RPS6KC1: variants seen among roughly 807,000 people sequenced by gnomAD.
RPS6KC1 encodes the protein inactive ribosomal protein S6 kinase delta-1.
In RPS6KC1, 54 loss-of-function variants were observed where a neutral mutation model predicts 103.8. The ratio of observed to expected loss-of-function variants is 0.52; its 90% CI spans 0.42 to 0.65. The LOEUF (loss-of-function observed/expected upper bound fraction) is 0.65. Among genes scored for constraint, RPS6KC1 ranks in the 30% least tolerant of loss-of-function variants. RPS6KC1 has a pLI of 0.00. For synonymous variants in RPS6KC1, 439 were observed against 438.7 expected, an observed-to-expected ratio of 1.00 and a Z score of -0.01; for missense variants, 1,151 against 1,253.8, an observed-to-expected ratio of 0.92 and a Z score of 1.24.
At chr1:213,104,895 G>A (rs776331710) in intron 4 of RPS6KC1, among the ~76,000 whole-genome samples, 2 of 151,314 alleles carry the variant, frequency 1.3e-5, no homozygotes, top group Non-Finnish European at 2.9e-5. Context: ...TTTGATTCAT[G>A]GATCTTAAAA....
chr1:213,312,154 C>T, the RPS6KC1 span, among the ~76,000 whole-genome samples: 4 of 152,172 alleles, frequency 2.6e-5, no homozygotes, highest in Admixed American at 2.6e-4. Context: ...TCTCAGTCTC[C>T]CAAAGTGCTG....
the RPS6KC1 span, among the ~76,000 whole-genome samples, chr1:213,358,503 A>G: frequency 0.021 from 3,172 of 151,930 alleles, 91 homozygotes; most frequent in African/African-American, 0.068. Flanking sequence ...TTTTTATTGC[A>G]TCTATTTGAT....
the RPS6KC1 span, among the ~76,000 whole-genome samples, chr1:213,773,477 A>G: frequency 6.7e-3 from 991 of 148,200 alleles, 8 homozygotes; most frequent in African/African-American, 0.023. Context: ...TATATCATAT[A>G]TCGATATATA....
chr1:213,854,211 C>T, the RPS6KC1 span, among the ~76,000 whole-genome samples: 1 of 152,206 alleles, frequency 6.6e-6, no homozygotes, highest in South Asian at 2.1e-4. Flanking sequence ...CAGGGGATTG[C>T]TGCCTCTAGC....
chr1:213,521,411 T>A, the RPS6KC1 span, among the ~76,000 whole-genome samples: 1 of 152,172 alleles, frequency 6.6e-6, no homozygotes, highest in Non-Finnish European at 1.5e-5. Context: ...TTGTAGAGGG[T>A]CTTGCCTTGA....
At chr1:213,087,984 G>A (rs1170704593) in intron 3 of RPS6KC1, among the ~76,000 whole-genome samples, 3 of 152,138 alleles carry the variant, frequency 2.0e-5, no homozygotes, top group Non-Finnish European at 4.4e-5. Context: ...GCCTTGGTCT[G>A]CTTTAACCCC....
At chr1:213,512,804 C>T in the RPS6KC1 span, among the ~76,000 whole-genome samples, 21 of 152,316 alleles carry the variant, frequency 1.4e-4, no homozygotes, top group Non-Finnish European at 2.4e-4. Flanking sequence ...TACCATCTAT[C>T]TCTAGTTGCC....
At chr1:213,639,715 A>G in the RPS6KC1 span, among the ~76,000 whole-genome samples, 1 of 152,024 alleles carries the variant, frequency 6.6e-6, no homozygotes, top group Non-Finnish European at 1.5e-5. Flanking sequence ...ATATTTATGA[A>G]TATTGAATCA....
At chr1:213,131,219 T>C (rs956184657) in intron 6 of RPS6KC1, among the ~76,000 whole-genome samples, 1 of 152,314 alleles carries the variant, frequency 6.6e-6, no homozygotes, top group South Asian at 2.1e-4. Flanking sequence ...TCATTAGTTA[T>C]TGTCTTACTA....
intron 6 of RPS6KC1, among the ~76,000 whole-genome samples, chr1:213,158,158 C>T (rs928624222): frequency 3.9e-5 from 6 of 152,036 alleles, no homozygotes; most frequent in African/African-American, 1.4e-4. Context: ...TTTATGTACA[C>T]TTAATGTTTG....
the RPS6KC1 span, among the ~76,000 whole-genome samples, chr1:213,454,149 G>GC: frequency 1.3e-5 from 2 of 150,862 alleles, no homozygotes; most frequent in South Asian, 2.1e-4. Context: ...TGACCACATG[G>GC]GGGGGGTCAG....
At chr1:213,831,003 T>C in the RPS6KC1 span, among the ~76,000 whole-genome samples, 1 of 152,164 alleles carries the variant, frequency 6.6e-6, no homozygotes, top group African/African-American at 2.4e-5. Context: ...ACCAGTCTCC[T>C]ATAGCCATCC....
intron 12 of RPS6KC1, among the ~76,000 whole-genome samples, chr1:213,251,547 C>T (rs969420210): frequency 1.3e-5 from 2 of 152,194 alleles, no homozygotes; most frequent in Non-Finnish European, 2.9e-5. Flanking sequence ...CATCTCTTGC[C>T]TGGAATAGTG....
chr1:213,703,998 A>AT, the RPS6KC1 span, among the ~76,000 whole-genome samples: 2 of 152,014 alleles, frequency 1.3e-5, no homozygotes, highest in African/African-American at 4.8e-5. Context: ...AGATCCTGTT[A>AT]TTTTTTAATT....
At chr1:213,849,213 G>A in the RPS6KC1 span, among the ~76,000 whole-genome samples, 3 of 152,132 alleles carry the variant, frequency 2.0e-5, no homozygotes, top group Admixed American at 2.0e-4. Context: ...GTCACCTCTG[G>A]GTGCTAAAAC....
intron 3 of RPS6KC1, among the ~76,000 whole-genome samples, chr1:213,101,505 A>C (rs1404995930): frequency 6.6e-6 from 1 of 152,234 alleles, no homozygotes; most frequent in African/African-American, 2.4e-5. Context: ...TTTGACATTT[A>C]TTCCATTGCT....
the RPS6KC1 span, among the ~76,000 whole-genome samples, chr1:213,300,046 CT>C: frequency 6.6e-6 from 1 of 152,122 alleles, no homozygotes; most frequent in Non-Finnish European, 1.5e-5. Flanking sequence ...ACCTCATGAT[CT>C]GCCTGCCTCG....
the RPS6KC1 span, among the ~76,000 whole-genome samples, chr1:213,540,284 C>T: frequency 6.6e-6 from 1 of 152,156 alleles, no homozygotes; most frequent in African/African-American, 2.4e-5. Flanking sequence ...TCTTGGATAA[C>T]TTTTAAAAAG....
the RPS6KC1 span, among the ~76,000 whole-genome samples, chr1:213,829,026 G>A: frequency 6.6e-6 from 1 of 152,142 alleles, no homozygotes; most frequent in East Asian, 1.9e-4. Context: ...GAGAGTGGCA[G>A]TCAGTCACTG....
Sources: allele counts gnomAD v4.1 joint callset (sites outside exome capture counted in the v4.1 genomes callset), GRCh38; gene constraint gnomAD v4.1.1; transcripts MANE v1.5; gene names NCBI Gene and HGNC (gene_info 2026-07-23, HGNC 2026-07-21).